Variants in CDH13 observed in about 807,000 individuals in gnomAD.
CDH13 encodes the protein cadherin-13.
CDH13 carries 24 observed loss-of-function variants against 63.8 expected under a neutral mutation model. The observed-to-expected ratio is 0.38, with a 90% CI of 0.27 to 0.53. The LOEUF (loss-of-function observed/expected upper bound fraction) is 0.53. Among genes scored for constraint, CDH13 ranks in the 20% least tolerant of loss-of-function variants. The pLI is 0.85. For synonymous variants in CDH13, 503 were observed against 355.3 expected (o/e 1.42, Z -4.67); for missense variants, 1,049 against 903.1 (o/e 1.16, Z -2.07).
At chr16:82,873,519 C>G (rs779016340) in intron 2 of CDH13, among the ~76,000 whole-genome samples, 4 of 152,054 alleles carry the variant, frequency 2.6e-5, no homozygotes, top group Non-Finnish European at 5.9e-5. Flanking sequence ...GTGGTGTGGG[C>G]TCCTAGGTTA....
chr16:83,711,259 G>T (rs1854262822), intron 10 of CDH13, among the ~76,000 whole-genome samples: 1 of 152,202 alleles, frequency 6.6e-6, no homozygotes, highest in Non-Finnish European at 1.5e-5. Flanking sequence ...AATCAAGTGG[G>T]CTGAAGGAAT....
chr16:83,659,694 A>G (rs1431609711), intron 8 of CDH13, among the ~76,000 whole-genome samples: 2 of 151,878 alleles, frequency 1.3e-5, no homozygotes, highest in Non-Finnish European at 2.9e-5. Flanking sequence ...CTTTAGTCTG[A>G]TACCCTTTTC....
rs765629818 is a variant in CDH13, at chr16:83,217,395, G to C, written c.534G>C (p.Lys178Asn). Reference protein sequence around the residue: ...PERSKFRLTGKGVDQEPKGIF... With the variant: ...PERSKFRLTGNGVDQEPKGIF... Reference sequence around the variant, plus strand: ...GGTCCAAGTTCCGGCTCACTGGAAAGGGAGTGGATCAAGAGCCTAAAGGAA... The same window carrying C: ...GGTCCAAGTTCCGGCTCACTGGAAACGGAGTGGATCAAGAGCCTAAAGGAA... Residue 178 changes from lysine (K) to asparagine (N), a missense_variant, in exon 5 of 14, where the codon AAG (lysine) becomes AAC (asparagine). Coordinates refer to ENST00000567109, the MANE Select transcript of CDH13 (RefSeq NM_001257.5). The C allele has an allele frequency of 1.3e-5, 21 of 1,613,786 alleles. No homozygotes were observed. The highest frequency in any genetic ancestry group is 1.6e-4 in the Middle Eastern group (1 of 6,084).
chr16:82,998,793 C>T (rs1488210271), intron 2 of CDH13, among the ~76,000 whole-genome samples: 3 of 151,480 alleles, frequency 2.0e-5, no homozygotes, highest in Admixed American at 2.0e-4. Flanking sequence ...TCACAGGCTC[C>T]CCTAAATCTC....
chr16:83,227,751 C>T (rs921340646), intron 5 of CDH13, among the ~76,000 whole-genome samples: 1 of 152,110 alleles, frequency 6.6e-6, no homozygotes, highest in Admixed American at 6.5e-5. Flanking sequence ...CATCTGGGGA[C>T]CATAGAGCCA....
chr16:82,737,108 A>G lies in CDH13; in HGVS notation c.45+109971A>G, dbSNP rs574965519. On this transcript the variant is annotated intron_variant, in intron 1 of 13. Coordinates refer to ENST00000567109, the MANE Select transcript of CDH13 (RefSeq NM_001257.5). ...GTTTCATTTAGGAGATAATGCCTGAATCTTTATCTTAAGCCTTGAACCCTC... is the reference window on the plus strand; with the variant it reads ...GTTTCATTTAGGAGATAATGCCTGAGTCTTTATCTTAAGCCTTGAACCCTC... Among the ~76,000 whole-genome samples the G allele has an allele frequency of 4.6e-5, 7 of 152,334 alleles. No individual in the cohort carries two copies. In the East Asian group the frequency reaches 1.3e-3, roughly 29 times the overall value.
intron 6 of CDH13, among the ~76,000 whole-genome samples, chr16:83,446,669 G>A (rs1292673955): frequency 6.6e-6 from 1 of 152,108 alleles, no homozygotes; most frequent in Admixed American, 6.5e-5. Context: ...ACGAGCTCCA[G>A]ATAGGAAAGT....
intron 2 of CDH13, among the ~76,000 whole-genome samples, chr16:82,964,147 A>G (rs1030669716): frequency 1.3e-5 from 2 of 152,224 alleles, no homozygotes; most frequent in Non-Finnish European, 2.9e-5. Flanking sequence ...CTGAGATCTC[A>G]TAAATCCATA....
At chr16:82,983,612 G>A (rs79142900) in intron 2 of CDH13, among the ~76,000 whole-genome samples, 3,163 of 152,298 alleles carry the variant, frequency 0.021, 46 homozygotes, top group South Asian at 0.03. Flanking sequence ...AGGAATCTGT[G>A]AGACAGGGCT....
intron 5 of CDH13, among the ~76,000 whole-genome samples, chr16:83,282,270 T>C (rs1301906034): frequency 6.6e-6 from 1 of 151,994 alleles, no homozygotes; most frequent in African/African-American, 2.4e-5. Context: ...TAATGAAAAA[T>C]GTTAAAATAT....
chr16:83,140,751 G>C (rs1028916276), intron 4 of CDH13, among the ~76,000 whole-genome samples: 1 of 152,178 alleles, frequency 6.6e-6, no homozygotes, highest in African/African-American at 2.4e-5. Context: ...CGCTGCACCC[G>C]GCCGATCTGA....
chr16:83,439,125 A>G (rs908456358), intron 6 of CDH13, among the ~76,000 whole-genome samples: 1 of 152,228 alleles, frequency 6.6e-6, no homozygotes, highest in African/African-American at 2.4e-5. Context: ...CTCCAGTCTG[A>G]ACCTCCATTT....
chr16:83,731,293 A>G (rs1016773642), intron 10 of CDH13, among the ~76,000 whole-genome samples: 2 of 151,794 alleles, frequency 1.3e-5, no homozygotes, highest in African/African-American at 4.8e-5. Flanking sequence ...AGTGTATAAG[A>G]GTTCCCTTTT....
At chr16:83,088,656 C>G (rs996175462) in intron 3 of CDH13, among the ~76,000 whole-genome samples, 2 of 152,146 alleles carry the variant, frequency 1.3e-5, no homozygotes, top group Non-Finnish European at 2.9e-5. Context: ...TTCATATAAT[C>G]AGAACTTTTC....
chr16:83,391,145 G>A (rs74646148), intron 6 of CDH13, among the ~76,000 whole-genome samples: 6 of 151,760 alleles, frequency 4.0e-5, no homozygotes, highest in Non-Finnish European at 7.4e-5. Context: ...AGGCCAATAA[G>A]TATCTGCCAA....
chr16:83,191,504 TACACACACACAC>T (rs1214690644), intron 4 of CDH13, among the ~76,000 whole-genome samples: 1 of 93,810 alleles, frequency 1.1e-5, no homozygotes, highest in Non-Finnish European at 2.0e-5. Flanking sequence ...TATATATATA[TACACACACACAC>T]ACACACACAC....
At chr16:83,720,213 A>C (rs1238300476) in intron 10 of CDH13, among the ~76,000 whole-genome samples, 2 of 152,084 alleles carry the variant, frequency 1.3e-5, no homozygotes, top group Admixed American at 6.5e-5. Context: ...ACACTTGTGC[A>C]TGTACACATG....
chr16:83,523,511 C>G (rs1466189717), intron 7 of CDH13, among the ~76,000 whole-genome samples: 7 of 152,172 alleles, frequency 4.6e-5, no homozygotes, highest in Non-Finnish European at 1.0e-4. Flanking sequence ...ACTGGAGCAG[C>G]CTGTACCCTG....
chr16:82,792,447 C>G (rs1375754439), intron 1 of CDH13, among the ~76,000 whole-genome samples: 1 of 152,224 alleles, frequency 6.6e-6, no homozygotes, highest in African/African-American at 2.4e-5. Flanking sequence ...AAATATGTAT[C>G]TGCATGTGTG....
Sources: allele counts gnomAD v4.1 joint callset (sites outside exome capture counted in the v4.1 genomes callset), GRCh38; gene constraint gnomAD v4.1.1; transcripts MANE v1.5; gene names NCBI Gene and HGNC (gene_info 2026-07-23, HGNC 2026-07-21).